Variants in FOXP2 observed in about 807,000 individuals in gnomAD.
FOXP2 encodes the protein forkhead box protein P2.
In FOXP2, 12 loss-of-function variants were observed where a neutral mutation model predicts 115.8. That is an observed-to-expected ratio of 0.10 (90% CI 0.07 to 0.17). The LOEUF is 0.17. Among genes scored for constraint, FOXP2 ranks in the 10% least tolerant of loss-of-function variants. The probability of loss-of-function intolerance (pLI) is 1.00; values close to 1 mark genes in which losing one functional copy is unlikely to be tolerated. For synonymous variants in FOXP2, 328 were observed against 297.7 expected, an observed-to-expected ratio of 1.10 and a Z score of -1.05; for missense variants, 629 against 843.5, an observed-to-expected ratio of 0.75 and a Z score of 3.15.
In FOXP2 at chr7:114,690,211, T is replaced by C. The variant is rs886061923; in HGVS notation, c.*285T>C. The C allele has an allele frequency of 2.2e-5, 11 of 494,180 alleles. 1 individual carries two copies. Among genetic ancestry groups the C allele is most frequent in the Non-Finnish European group, 7.9e-6 (2 of 254,516 alleles). 30.6% of individuals were successfully genotyped at this position (494,180 alleles called of 1,614,324 possible). A position where few individuals can be genotyped will look rare whatever the true frequency, so the allele number is the denominator to read the frequency against. ...ATGAACTGTTCTTTCTATAATGGCT[T>C]TGCCCATTTAAAAAATGTGGCTCTT... On this transcript the variant is annotated 3_prime_UTR_variant, in exon 17 of 17. Coordinates refer to ENST00000350908, the MANE Select transcript of FOXP2 (RefSeq NM_014491.4).
chr7:114,692,184 G>A lies in FOXP2; in HGVS notation c.*2258G>A. On this transcript the variant is annotated 3_prime_UTR_variant, in exon 17 of 17. Coordinates refer to ENST00000350908, the MANE Select transcript of FOXP2 (RefSeq NM_014491.4). ...GGTCTTTCAGGTGCATGTTCAAAAG[G>A]CTTTGAGGGACTGGAAGTAACTGCG... 2.2e-6 allele frequency: 1 copy of A among 453,844 alleles called. No individual in the cohort carries two copies. The allele number at this position is 453,844 out of a possible 1,614,324, so 28.1% of individuals were successfully genotyped here.
intron 2 of FOXP2, among the ~76,000 whole-genome samples, chr7:114,390,023 C>CAAAAAAAAAAAAAAAAAAA (rs11311566): frequency 2.1e-5 from 2 of 93,192 alleles, no homozygotes. Context: ...CATTCAGTGT[C>CAAAAAAAAAAAAAAAAAAA]AAAAAAAAAA....
chr7:114,120,091 T>C (rs1326304910), intron 1 of FOXP2, among the ~76,000 whole-genome samples: 1 of 152,132 alleles, frequency 6.6e-6, no homozygotes, highest in African/African-American at 2.4e-5. Context: ...AGGATAGTAA[T>C]AGATAGGATG....
intron 2 of FOXP2, among the ~76,000 whole-genome samples, chr7:114,305,177 C>T (rs892381438): frequency 6.6e-6 from 1 of 152,066 alleles, no homozygotes; most frequent in Non-Finnish European, 1.5e-5. Flanking sequence ...TGATATTTAA[C>T]GTCAACTGAA....
Position 114,299,075 on chromosome 7 carries a change from T to C in FOXP2, c.-11+10966T>C, listed in dbSNP as rs184347812. ...TCTGAAACTTTATTTTTATTTTCACTATAGGTTTAATTATCTTACATAATT... is the reference window on the plus strand; with the variant it reads ...TCTGAAACTTTATTTTTATTTTCACCATAGGTTTAATTATCTTACATAATT... On this transcript the variant is annotated intron_variant, in intron 2 of 17. Transcript: ENST00000634411. Among the ~76,000 whole-genome samples, 4 of 152,290 alleles carry C rather than the reference T, an allele frequency of 2.6e-5. No individual in the cohort carries two copies. The East Asian group carries it at 7.7e-4, about 29-fold the overall frequency.
At chr7:114,094,372 C>T (rs1799601161) in intron 1 of FOXP2, among the ~76,000 whole-genome samples, 1 of 152,216 alleles carries the variant, frequency 6.6e-6, no homozygotes, top group Non-Finnish European at 1.5e-5. Flanking sequence ...ATCTCCCTCT[C>T]ACATACTTTG....
At chr7:114,621,353 T>A (rs1200266314) in intron 3 of FOXP2, among the ~76,000 whole-genome samples, 3 of 152,018 alleles carry the variant, frequency 2.0e-5, no homozygotes, top group African/African-American at 4.8e-5. Context: ...AAAGGTATAG[T>A]TTGGGATATT....
intron 16 of FOXP2, among the ~76,000 whole-genome samples, chr7:114,678,547 C>CTTTTTTTTTTT (rs35525759): frequency 1.0e-4 from 5 of 48,388 alleles, no homozygotes; most frequent in Non-Finnish European, 1.2e-4. Flanking sequence ...ATAAGTGACT[C>CTTTTTTTTTTT]TTTTTTTTTT....
upstream of FOXP2, among the ~76,000 whole-genome samples, chr7:114,158,499 A>G (rs1792731959): frequency 6.6e-6 from 1 of 152,080 alleles, no homozygotes; most frequent in Non-Finnish European, 1.5e-5. Flanking sequence ...CTACATTCCT[A>G]CAAAGCAGTA....
chr7:114,191,863 C>G (rs897185686), intron 1 of FOXP2, among the ~76,000 whole-genome samples: 1 of 152,088 alleles, frequency 6.6e-6, no homozygotes, highest in African/African-American at 2.4e-5. Flanking sequence ...ATATATCCAC[C>G]ATTACAGTAT....
intron 1 of FOXP2, among the ~76,000 whole-genome samples, chr7:114,137,654 T>A (rs142407950): frequency 6.6e-6 from 1 of 151,812 alleles, no homozygotes; most frequent in East Asian, 1.9e-4. Flanking sequence ...TTAAAAAAAA[T>A]GATTTATTTA....
At chr7:114,329,953 G>A (rs1797660353) in intron 2 of FOXP2, among the ~76,000 whole-genome samples, 2 of 152,108 alleles carry the variant, frequency 1.3e-5, no homozygotes, top group Admixed American at 6.5e-5. Context: ...GGGATTACAG[G>A]TGTAAGCCAC....
In FOXP2 at chr7:114,177,678, T is replaced by G. The variant is rs191823579; in HGVS notation, c.-102+14590T>G. ...CATATTTTTGTTTTGTTTTTATTTT[T>G]TATTGGCAAGTACAGATTGTATATA... is the stretch of plus-strand genomic sequence containing the variant. On this transcript the variant is annotated intron_variant, in intron 1 of 17. Coordinates refer to the FOXP2 transcript ENST00000634411. Among the ~76,000 whole-genome samples the G allele has an allele frequency of 2.9e-3, 443 of 152,166 alleles. 2 individuals are homozygous for G. The highest frequency in any genetic ancestry group is 5.2e-3 in the Non-Finnish European group (351 of 67,918).
rs778871130 is a variant in FOXP2, at chr7:114,168,732, G to A, written c.-102+5644G>A. On this transcript the variant is annotated intron_variant, in intron 1 of 17. Coordinates refer to the FOXP2 transcript ENST00000634411. The stretch of plus-strand genomic sequence containing the variant: ...GAATCCTCAAGACAATGGGGAAAAC[G>A]TCTCTGTGGCATGTCAGAGGTCTTC... Among the ~76,000 whole-genome samples the A allele has an allele frequency of 9.2e-5, 14 of 152,142 alleles. No individual in the cohort carries two copies. The East Asian group carries it at 1.2e-3, about 13-fold the overall frequency.
chr7:114,417,757 A>G (rs1378760715), intron 1 of FOXP2, among the ~76,000 whole-genome samples: 1 of 151,988 alleles, frequency 6.6e-6, no homozygotes, highest in African/African-American at 2.4e-5. Flanking sequence ...AATGAAAAGC[A>G]AATAATTACT....
chr7:114,639,383 G>C (rs1444478198), intron 6 of FOXP2, among the ~76,000 whole-genome samples: 1 of 152,154 alleles, frequency 6.6e-6, no homozygotes, highest in Non-Finnish European at 1.5e-5. Context: ...GCCACGCACT[G>C]TTCAAGGCAG....
At chr7:114,417,818 A>G (rs1398022770) in intron 1 of FOXP2, among the ~76,000 whole-genome samples, 1 of 151,962 alleles carries the variant, frequency 6.6e-6, no homozygotes, top group Non-Finnish European at 1.5e-5. Context: ...ATCATTCTTT[A>G]GAAACTGACA....
At chr7:114,505,205 G>A (rs938111641) in intron 2 of FOXP2, among the ~76,000 whole-genome samples, 1 of 151,400 alleles carries the variant, frequency 6.6e-6, no homozygotes, top group African/African-American at 2.4e-5. Flanking sequence ...TAGGGGGAAG[G>A]ATTTAAGGAA....
chr7:114,632,297 C>A (rs1460271896), intron 6 of FOXP2, among the ~76,000 whole-genome samples: 17 of 152,164 alleles, frequency 1.1e-4, no homozygotes, highest in Admixed American at 1.1e-3. Flanking sequence ...AATCTGTCAA[C>A]TGTATTCTTA....
Sources: allele counts gnomAD v4.1 joint callset (sites outside exome capture counted in the v4.1 genomes callset), GRCh38; gene constraint gnomAD v4.1.1; transcripts MANE v1.5; gene names NCBI Gene and HGNC (gene_info 2026-07-23, HGNC 2026-07-21).